BTG4: variants seen among roughly 807,000 people sequenced by gnomAD.
BTG4 encodes protein BTG4.
BTG4 carries 10 observed loss-of-function variants against 19.3 expected under a neutral mutation model. The observed-to-expected ratio is 0.52, with a 90% CI of 0.32 to 0.88. The LOEUF (loss-of-function observed/expected upper bound fraction) is 0.88, where lower values mean the gene tolerates loss of function less well. Ranked by LOEUF, BTG4 falls within the 40% of genes least tolerant of loss-of-function variation. The pLI, the probability that BTG4 is intolerant of heterozygous loss-of-function variation, is 0.04. For synonymous variants in BTG4, 91 were observed against 95.7 expected (o/e 0.95, Z 0.29); for missense variants, 238 against 281.9 (o/e 0.84, Z 1.11).
At chr11:111,392,533 T>C in the BTG4 span, among the ~76,000 whole-genome samples, 1 of 152,246 alleles carries the variant, frequency 6.6e-6, no homozygotes, top group South Asian at 2.1e-4. Context: ...GGGTTTCTGA[T>C]TTGGTAGGTC....
Position 111,495,210 on chromosome 11 carries a change from C to T in BTG4, c.615G>A (p.Ser205=), listed in dbSNP as rs764491994. ...GCCTGTAACACTTAGGATGCTTCTG[C>T]GAGCCATGGTAAGTGTTTCCCAGGA... ...VGLLGNTYHG[S]QKHPKCYRPA... The change falls in exon 5 of 5, where the codon TCG becomes TCA. Residue 205 remains serine, a synonymous_variant. Transcript: ENST00000692032. 3.1e-6 allele frequency: 5 copies of T among 1,612,120 alleles called. No homozygotes were observed. Among genetic ancestry groups the T allele is most frequent in the East Asian group, 4.5e-5 (2 of 44,804 alleles).
At chr11:111,451,194 G>A in the BTG4 span, 1 of 289,252 alleles carries the variant, frequency 3.5e-6, no homozygotes, top group Non-Finnish European at 7.3e-6. Context: ...AAATGCCCCT[G>A]CATCAGCCAC....
intron 1 of BTG4, 53 bp from the exon 2 acceptor site, chr11:111,498,855 T>C (rs1393272054): frequency 2.4e-6 from 3 of 1,275,608 alleles, no homozygotes; most frequent in Admixed American, 2.7e-5. Flanking sequence ...TTTAACTTAT[T>C]ATCAATATTT....
chr11:111,473,247 A>C (rs1471973753), intron 5 of BTG4: 2 of 152,648 alleles, frequency 1.3e-5, no homozygotes, highest in African/African-American at 4.8e-5. Flanking sequence ...ATCCAAGGGC[A>C]CTTAAAATAA....
the BTG4 span, among the ~76,000 whole-genome samples, chr11:111,428,415 A>G: frequency 2.0e-5 from 3 of 152,084 alleles, no homozygotes; most frequent in Admixed American, 6.6e-5. Flanking sequence ...CTGTCCTGCA[A>G]TCCTCAGCAA....
chr11:111,441,105 G>A, the BTG4 span, among the ~76,000 whole-genome samples: 56 of 136,670 alleles, frequency 4.1e-4, no homozygotes, highest in Admixed American at 3.3e-3. Context: ...GCCAGAGACC[G>A]CTCTCTTTTC....
the BTG4 span, among the ~76,000 whole-genome samples, chr11:111,415,164 TG>T: frequency 2.6e-5 from 4 of 152,146 alleles, no homozygotes; most frequent in Non-Finnish European, 4.4e-5. Context: ...CCTCACCCAG[TG>T]CAGAACACAG....
At chr11:111,450,523 A>G in the BTG4 span, 1 of 152,458 alleles carries the variant, frequency 6.6e-6, no homozygotes, top group Admixed American at 6.5e-5. Context: ...TGTCCTTACC[A>G]GGGCGTGTGC....
chr11:111,492,680 A>G (rs949773849), downstream of BTG4, among the ~76,000 whole-genome samples: 6 of 152,178 alleles, frequency 3.9e-5, no homozygotes, highest in Admixed American at 3.3e-4. Context: ...ACTATGAAAC[A>G]ATTATAATAG....
At chr11:111,459,132 C>T in the BTG4 span, among the ~76,000 whole-genome samples, 1 of 152,012 alleles carries the variant, frequency 6.6e-6, no homozygotes, top group African/African-American at 2.4e-5. Flanking sequence ...ATCTCAGCTA[C>T]TTGGGAGGCT....
chr11:111,430,376 T>G, the BTG4 span, among the ~76,000 whole-genome samples: 2 of 152,234 alleles, frequency 1.3e-5, no homozygotes, highest in African/African-American at 4.8e-5. Context: ...TTCCACTGAA[T>G]ACACAATTTA....
chr11:111,494,765 A>G, downstream of BTG4: 2 of 595,966 alleles, frequency 3.4e-6, no homozygotes, highest in Non-Finnish European at 4.2e-6. Context: ...CTTCTTTACA[A>G]AAAATAAACT....
At chr11:111,405,810 T>C in the BTG4 span, among the ~76,000 whole-genome samples, 2 of 152,252 alleles carry the variant, frequency 1.3e-5, no homozygotes, top group African/African-American at 2.4e-5. Context: ...TGAACCTCTC[T>C]GTGCCTTAGT....
intron 5 of BTG4, among the ~76,000 whole-genome samples, chr11:111,485,073 AAT>A (rs1275965359): frequency 6.6e-6 from 1 of 152,188 alleles, no homozygotes; most frequent in African/African-American, 2.4e-5. Context: ...AACAATTATA[AAT>A]ATATATGTAC....
intron 5 of BTG4, among the ~76,000 whole-genome samples, chr11:111,489,501 T>A (rs1865280165): frequency 6.6e-6 from 1 of 152,208 alleles, no homozygotes. Context: ...ATTGCAACCC[T>A]ATTGACAACA....
chr11:111,411,387 G>A, the BTG4 span, among the ~76,000 whole-genome samples: 2 of 151,408 alleles, frequency 1.3e-5, no homozygotes, highest in Non-Finnish European at 1.5e-5. Flanking sequence ...TGTCTCCTCT[G>A]CTGGGAAAAG....
At chr11:111,450,490 C>T in the BTG4 span, 11 of 152,670 alleles carry the variant, frequency 7.2e-5, no homozygotes, top group South Asian at 2.1e-4. Context: ...GCCTGTGGCT[C>T]GGGACCACAC....
intron 3 of BTG4, 28 bp from the exon 4 acceptor site, chr11:111,497,437 A>G: frequency 7.5e-7 from 1 of 1,335,052 alleles, no homozygotes; most frequent in Non-Finnish European, 9.8e-7. Context: ...TTTAAGTGCT[A>G]ATTAGCGATT....
At chr11:111,487,316 T>G (rs1366102411) in intron 5 of BTG4, among the ~76,000 whole-genome samples, 1 of 152,218 alleles carries the variant, frequency 6.6e-6, no homozygotes, top group Non-Finnish European at 1.5e-5. Flanking sequence ...GAATGATTTA[T>G]ATTCCTTTGG....
Sources: gnomAD v4.1 joint callset for allele counts (sites outside exome capture counted in the v4.1 genomes callset) on GRCh38, gnomAD v4.1.1 for gene constraint, MANE v1.5 for transcripts, NCBI Gene and HGNC (gene_info 2026-07-23, HGNC 2026-07-21) for gene names.